ZNF827: variants seen among roughly 807,000 people sequenced by gnomAD.
ZNF827 encodes zinc finger protein 827.
ZNF827 carries 13 observed loss-of-function variants against 102.4 expected under a neutral mutation model. The ratio of observed to expected loss-of-function variants is 0.13; its 90% CI spans 0.08 to 0.20. The LOEUF (loss-of-function observed/expected upper bound fraction) is 0.20. Ranked by LOEUF, ZNF827 falls within the 10% of genes least tolerant of loss-of-function variation. The probability of loss-of-function intolerance (pLI) is 1.00; values close to 1 mark genes in which losing one functional copy is unlikely to be tolerated. For missense variants in ZNF827, 1,103 were observed against 1,344.4 expected, an observed-to-expected ratio of 0.82 and a Z score of 2.81; for synonymous variants, 523 against 536.2, an observed-to-expected ratio of 0.98 and a Z score of 0.34.
intron 2 of ZNF827, among the ~76,000 whole-genome samples, chr4:145,893,810 C>T (rs1392594963): frequency 6.6e-6 from 1 of 152,136 alleles, no homozygotes; most frequent in Non-Finnish European, 1.5e-5. Flanking sequence ...GTGTTAAACA[C>T]ACCAACGGGA....
At chr4:145,872,833 C>T (rs1748817148) in intron 4 of ZNF827, among the ~76,000 whole-genome samples, 1 of 150,490 alleles carries the variant, frequency 6.6e-6, no homozygotes, top group Admixed American at 6.6e-5. Flanking sequence ...CAAGATCATG[C>T]CACTGCACAC....
intron 5 of ZNF827, among the ~76,000 whole-genome samples, chr4:145,853,229 C>T (rs1481321703): frequency 6.6e-6 from 1 of 152,206 alleles, no homozygotes; most frequent in African/African-American, 2.4e-5. Context: ...CAGCTCTCTT[C>T]TTTTTGCCTG....
rs186426183 is a variant in ZNF827, at chr4:145,923,622, C to T, written c.43+14743G>A. Among the ~76,000 whole-genome samples, 485 of 151,964 alleles carry T rather than the reference C, an allele frequency of 3.2e-3. 4 individuals are homozygous for T. The highest frequency in any genetic ancestry group is 0.011 in the African/African-American group (470 of 41,458). ...CATCTCAAAAAAAAAGACTGAATGC[C>T]GTAGCAGATAGGAGACTCTCGTTGT... On this transcript the variant is annotated intron_variant, in intron 1 of 14. Coordinates refer to ENST00000508784, the MANE Select transcript of ZNF827 (RefSeq NM_001306215.2).
chr4:145,813,180 T>C (rs1262030310), intron 8 of ZNF827, among the ~76,000 whole-genome samples: 1 of 152,082 alleles, frequency 6.6e-6, no homozygotes, highest in Non-Finnish European at 1.5e-5. Flanking sequence ...TCTGACACAG[T>C]GTCAGAAGGT....
chr4:145,839,760 A>G (rs1226354227), intron 7 of ZNF827, among the ~76,000 whole-genome samples: 1 of 152,262 alleles, frequency 6.6e-6, no homozygotes, highest in Non-Finnish European at 1.5e-5. Flanking sequence ...GTCCACTGAC[A>G]GAGACTTACC....
chr4:145,912,126 T>A lies in ZNF827; in HGVS notation c.44-8911A>T, dbSNP rs369336187. 3.1e-4 allele frequency among the ~76,000 whole-genome samples: 47 copies of A among 152,288 alleles called. No individual in the cohort carries two copies. The South Asian group carries it at 3.3e-3, about 11-fold the overall frequency. The stretch of plus-strand genomic sequence containing the variant: ...GAATAATTTTTCAGGTAACCAAAAA[T>A]TATCAAAGTGCCATCAAGTACGCAA... On this transcript the variant is annotated intron_variant, in intron 1 of 14. Transcript: ENST00000508784.
At chr4:145,821,100 T>A (rs1743100560) in intron 8 of ZNF827, among the ~76,000 whole-genome samples, 1 of 152,246 alleles carries the variant, frequency 6.6e-6, no homozygotes, top group South Asian at 2.1e-4. Flanking sequence ...AACAGCCCAG[T>A]GGACCTGAAG....
chr4:145,809,058 C>T (rs1020086994), intron 8 of ZNF827, among the ~76,000 whole-genome samples: 1 of 152,190 alleles, frequency 6.6e-6, no homozygotes, highest in Non-Finnish European at 1.5e-5. Flanking sequence ...GCCTTGGCTT[C>T]CCAAAGCATT....
chr4:145,841,315 T>C (rs1313331103), intron 7 of ZNF827, among the ~76,000 whole-genome samples: 1 of 152,222 alleles, frequency 6.6e-6, no homozygotes, highest in Non-Finnish European at 1.5e-5. Flanking sequence ...TGATGGTCCA[T>C]GTCAAAGGAT....
intron 8 of ZNF827, among the ~76,000 whole-genome samples, chr4:145,792,924 G>A (rs372687745): frequency 6.6e-6 from 1 of 152,104 alleles, no homozygotes; most frequent in Admixed American, 6.5e-5. Context: ...TTACTCTTGC[G>A]TGGAAATGCA....
chr4:145,890,393 A>C (rs1750500111), intron 3 of ZNF827, among the ~76,000 whole-genome samples: 3 of 152,200 alleles, frequency 2.0e-5, no homozygotes, highest in African/African-American at 7.2e-5. Context: ...AAGCCCTTGC[A>C]GCTCTCATCT....
At chr4:145,896,328 A>G (rs546201252) in intron 2 of ZNF827, among the ~76,000 whole-genome samples, 111 of 152,344 alleles carry the variant, frequency 7.3e-4, no homozygotes, top group African/African-American at 2.5e-3. Flanking sequence ...ACAAATAAGC[A>G]GAAGTCCATA....
chr4:145,841,166 G>A (rs1308535870), intron 7 of ZNF827, among the ~76,000 whole-genome samples: 2 of 152,198 alleles, frequency 1.3e-5, no homozygotes, highest in Non-Finnish European at 2.9e-5. Context: ...ATAACCAAGA[G>A]AGGGTTCTTG....
At chr4:145,897,465 G>A (rs1023822469) in intron 2 of ZNF827, among the ~76,000 whole-genome samples, 2 of 152,162 alleles carry the variant, frequency 1.3e-5, no homozygotes, top group Admixed American at 6.5e-5. Context: ...TGCATAATCT[G>A]TGCATTATTA....
chr4:145,929,446 G>A (rs928501969), intron 1 of ZNF827, among the ~76,000 whole-genome samples: 1 of 152,032 alleles, frequency 6.6e-6, no homozygotes, highest in Non-Finnish European at 1.5e-5. Context: ...AGTAAAATCT[G>A]GTTATAATGC....
chr4:145,916,660 T>C (rs1752688613), intron 1 of ZNF827, among the ~76,000 whole-genome samples: 1 of 152,248 alleles, frequency 6.6e-6, no homozygotes, highest in Non-Finnish European at 1.5e-5. Flanking sequence ...GTTCTTTCAT[T>C]CTCTGCTACA....
At chr4:145,910,141 C>G (rs1158699635) in intron 1 of ZNF827, among the ~76,000 whole-genome samples, 1 of 152,018 alleles carries the variant, frequency 6.6e-6, no homozygotes, top group African/African-American at 2.4e-5. Context: ...AGTCCACACA[C>G]GGGGGGAGGG....
At chr4:145,817,693 C>T (rs1742722409) in intron 8 of ZNF827, among the ~76,000 whole-genome samples, 1 of 152,152 alleles carries the variant, frequency 6.6e-6, no homozygotes, top group South Asian at 2.1e-4. Flanking sequence ...CAGAGCTAAA[C>T]CATATCAAGA....
chr4:145,812,992 T>C (rs1315193195), intron 8 of ZNF827, among the ~76,000 whole-genome samples: 2 of 152,230 alleles, frequency 1.3e-5, no homozygotes, highest in African/African-American at 2.4e-5. Flanking sequence ...AAATTGCGTG[T>C]TGTTCTAAGT....
Sources: gnomAD v4.1 joint callset for allele counts (sites outside exome capture counted in the v4.1 genomes callset) on GRCh38, gnomAD v4.1.1 for gene constraint, MANE v1.5 for transcripts, NCBI Gene and HGNC (gene_info 2026-07-23, HGNC 2026-07-21) for gene names.